Variants in AUTS2 observed in about 807,000 individuals in gnomAD.
The protein encoded by AUTS2 is autism susceptibility gene 2 protein.
A neutral mutation model predicts 112.4 loss-of-function variants in AUTS2; 17 were observed. The observed-to-expected ratio is 0.15, with a 90% confidence interval of 0.10 to 0.23. The LOEUF is 0.23. Among genes scored for constraint, AUTS2 ranks in the 10% least tolerant of loss-of-function variants. The probability of loss-of-function intolerance (pLI) is 1.00; values close to 1 mark genes in which losing one functional copy is unlikely to be tolerated. For missense variants in AUTS2, 1,510 were observed against 1,701.6 expected, an observed-to-expected ratio of 0.89 and a Z score of 1.98; for synonymous variants, 751 against 702.7, an observed-to-expected ratio of 1.07 and a Z score of -1.09.
At chr7:69,973,410 G>C (rs907648405) in intron 2 of AUTS2, among the ~76,000 whole-genome samples, 9 of 152,248 alleles carry the variant, frequency 5.9e-5, no homozygotes, top group African/African-American at 2.2e-4. Flanking sequence ...TGATATCTAT[G>C]CTTTTTAAAT....
intron 2 of AUTS2, among the ~76,000 whole-genome samples, chr7:69,928,969 C>A (rs765163908): frequency 6.6e-6 from 1 of 152,076 alleles, no homozygotes. Flanking sequence ...TTTCTTATGC[C>A]CTTCATTTCT....
intron 1 of AUTS2, among the ~76,000 whole-genome samples, chr7:69,698,152 T>C (rs1797637436): frequency 6.6e-6 from 1 of 152,132 alleles, no homozygotes; most frequent in African/African-American, 2.4e-5. Flanking sequence ...TGATATGGAG[T>C]GTCTTGGCCA....
intron 1 of AUTS2, among the ~76,000 whole-genome samples, chr7:69,603,923 A>C (rs947862570): frequency 6.6e-6 from 1 of 152,082 alleles, no homozygotes; most frequent in African/African-American, 2.4e-5. Flanking sequence ...GTCTATTAGG[A>C]AGCCACGTGA....
In AUTS2 at chr7:69,917,053, G is replaced by A. The variant is rs924931060; in HGVS notation, c.522+17555G>A. On this transcript the variant is annotated intron_variant, in intron 2 of 18. Coordinates refer to ENST00000342771, the MANE Select transcript of AUTS2 (RefSeq NM_015570.4). ...GTTTTAGAGAGGATCTCACTCTCTT[G>A]CCCAGGCTGGAGTGTAGTGGTGTGA... Among the ~76,000 whole-genome samples the A allele has an allele frequency of 2.0e-5, 3 of 152,036 alleles. No homozygotes were observed. In the East Asian group the frequency reaches 5.8e-4, roughly 29 times the overall value.
chr7:69,917,820 C>T (rs1262834627), intron 2 of AUTS2, among the ~76,000 whole-genome samples: 1 of 137,294 alleles, frequency 7.3e-6, no homozygotes, highest in Non-Finnish European at 1.6e-5. Context: ...TCCAAGGACA[C>T]CTTTGTTGTT....
At chr7:69,813,049 C>T (rs982104912) in intron 1 of AUTS2, among the ~76,000 whole-genome samples, 3 of 152,210 alleles carry the variant, frequency 2.0e-5, no homozygotes, top group African/African-American at 7.2e-5. Flanking sequence ...AAAGACCTTA[C>T]TTACCATGGC....
At chr7:70,776,053 GA>G (rs1333456940) in intron 13 of AUTS2, among the ~76,000 whole-genome samples, 1 of 152,182 alleles carries the variant, frequency 6.6e-6, no homozygotes, top group Non-Finnish European at 1.5e-5. Context: ...GGGGAAAAAG[GA>G]GAATTGTGTC....
intron 5 of AUTS2, among the ~76,000 whole-genome samples, chr7:70,605,630 G>A (rs998989114): frequency 7.8e-6 from 1 of 127,518 alleles, no homozygotes; most frequent in African/African-American, 3.0e-5. Flanking sequence ...TATCATATCT[G>A]GAACTTTTCT....
intron 1 of AUTS2, among the ~76,000 whole-genome samples, chr7:69,711,216 T>A (rs920189096): frequency 6.6e-5 from 10 of 152,156 alleles, no homozygotes; most frequent in African/African-American, 2.2e-4. Flanking sequence ...TTGCTTTGCC[T>A]GTTTGTGCCC....
intron 5 of AUTS2, among the ~76,000 whole-genome samples, chr7:70,458,665 T>C (rs1226613457): frequency 6.6e-6 from 1 of 152,140 alleles, no homozygotes; most frequent in Non-Finnish European, 1.5e-5. Context: ...CTCCCTTTGT[T>C]GATGTTTCCA....
intron 1 of AUTS2, among the ~76,000 whole-genome samples, chr7:69,610,358 C>T (rs1792964166): frequency 6.6e-6 from 1 of 152,214 alleles, no homozygotes; most frequent in Non-Finnish European, 1.5e-5. Flanking sequence ...TACTCACTCT[C>T]TGGACTGATA....
intron 5 of AUTS2, among the ~76,000 whole-genome samples, chr7:70,570,835 GCA>G (rs1801907668): frequency 6.6e-6 from 1 of 152,098 alleles, no homozygotes; most frequent in South Asian, 2.1e-4. Context: ...TTATGACCAA[GCA>G]CAGTTTCCTT....
At chr7:69,953,906 C>T (rs749480669) in intron 2 of AUTS2, among the ~76,000 whole-genome samples, 6 of 152,094 alleles carry the variant, frequency 3.9e-5, no homozygotes, top group Non-Finnish European at 8.8e-5. Flanking sequence ...CCTTCCCCTG[C>T]ATCTGTCTGC....
chr7:70,029,911 C>G lies in AUTS2; in HGVS notation c.523-88221C>G, dbSNP rs1800700272. ...TGGACTATAATTTACCAACCTCTGG[C>G]CTGTGTCATTACTGTGCAAACCACA... On this transcript the variant is annotated intron_variant, in intron 2 of 18. Coordinates refer to ENST00000342771, the MANE Select transcript of AUTS2 (RefSeq NM_015570.4). Among the ~76,000 whole-genome samples the G allele has an allele frequency of 8.5e-5, 13 of 152,310 alleles. 1 individual carries two copies. The South Asian group carries it at 2.7e-3, about 32-fold the overall frequency.
intron 6 of AUTS2, among the ~76,000 whole-genome samples, chr7:70,762,595 C>T (rs1789635699): frequency 6.6e-6 from 1 of 152,180 alleles, no homozygotes; most frequent in South Asian, 2.1e-4. Context: ...ATGCAGTCTC[C>T]TCTGGCCAGT....
intron 5 of AUTS2, among the ~76,000 whole-genome samples, chr7:70,518,098 T>C (rs1799491566): frequency 6.6e-6 from 1 of 152,236 alleles, no homozygotes; most frequent in Non-Finnish European, 1.5e-5. Flanking sequence ...ATGTGAAATA[T>C]AATTACAATG....
chr7:70,035,963 T>A (rs1029649309), intron 2 of AUTS2, among the ~76,000 whole-genome samples: 12 of 152,182 alleles, frequency 7.9e-5, no homozygotes, highest in Non-Finnish European at 1.8e-4. Context: ...AATTTACAGT[T>A]TAATGGAAGA....
intron 14 of AUTS2, among the ~76,000 whole-genome samples, chr7:70,780,688 C>A (rs773259955): frequency 6.6e-6 from 1 of 152,198 alleles, no homozygotes; most frequent in Non-Finnish European, 1.5e-5. Context: ...CCTCCCCCAA[C>A]CTTCCTCAGG....
intron 2 of AUTS2, among the ~76,000 whole-genome samples, chr7:70,041,375 A>G (rs1326622019): frequency 6.6e-6 from 1 of 152,146 alleles, no homozygotes; most frequent in African/African-American, 2.4e-5. Context: ...TATAGACTTG[A>G]TTATGTGTTT....
Sources: gnomAD v4.1 joint callset for allele counts (sites outside exome capture counted in the v4.1 genomes callset) on GRCh38, gnomAD v4.1.1 for gene constraint, MANE v1.5 for transcripts, NCBI Gene and HGNC (gene_info 2026-07-23, HGNC 2026-07-21) for gene names.